Variants in GAN observed in about 807,000 individuals in gnomAD.
GAN encodes epididymis secretory sperm binding protein.
Under a neutral mutation model 71.3 loss-of-function variants are expected in GAN, and 48 were observed. The observed-to-expected ratio is 0.67, with a 90% CI of 0.53 to 0.86. The LOEUF (loss-of-function observed/expected upper bound fraction) is 0.86, where lower values mean the gene tolerates loss of function less well. Ranked by LOEUF, GAN falls within the 40% of genes least tolerant of loss-of-function variation. GAN has a pLI of 0.00. For missense variants in GAN, 928 were observed against 770.1 expected (o/e 1.21, Z -2.43); for synonymous variants, 386 against 276.8 (o/e 1.39, Z -3.92).
intron 2 of GAN, among the ~76,000 whole-genome samples, chr16:81,353,959 G>T (rs1471679056): frequency 6.6e-6 from 1 of 152,170 alleles, no homozygotes; most frequent in Non-Finnish European, 1.5e-5. Flanking sequence ...CATTCAGGTT[G>T]GCATGCCATT....
At position 81,314,967 on chromosome 16, in the gene GAN, G is replaced by A. The variant is rs893557155; in HGVS notation, c.-147G>A. 3.2e-6 allele frequency: 2 copies of A among 624,386 alleles called. No individual in the cohort carries two copies. Among genetic ancestry groups the A allele is most frequent in the Non-Finnish European group, 4.8e-6 (2 of 414,532 alleles). The allele number at this position is 624,386 out of a possible 1,614,324, so 38.7% of individuals were successfully genotyped here. A position where few individuals can be genotyped will look rare whatever the true frequency, so the allele number is the denominator to read the frequency against. On this transcript the variant is annotated 5_prime_UTR_variant, in exon 1 of 11. Coordinates refer to ENST00000648994, the MANE Select transcript of GAN (RefSeq NM_022041.4). ...GCGCCGGCCCAGCGCGCCGCGGATAGCACAGGCACGTCCCGGGGGCTCCAG... is the reference window on the plus strand; with the variant it reads ...GCGCCGGCCCAGCGCGCCGCGGATAACACAGGCACGTCCCGGGGGCTCCAG...
intron 1 of GAN, among the ~76,000 whole-genome samples, chr16:81,323,193 TAA>T (rs1427774613): frequency 2.0e-5 from 3 of 152,164 alleles, no homozygotes; most frequent in Admixed American, 2.0e-4. Flanking sequence ...GTATAACAGA[TAA>T]GAGACTTCTC....
intron 2 of GAN, among the ~76,000 whole-genome samples, chr16:81,353,533 A>G (rs1910376280): frequency 6.6e-6 from 1 of 152,186 alleles, no homozygotes; most frequent in Non-Finnish European, 1.5e-5. Flanking sequence ...ATGATTGGCA[A>G]TTATACTTTT....
At chr16:81,341,988 C>G (rs575802610) in intron 1 of GAN, among the ~76,000 whole-genome samples, 1 of 152,282 alleles carries the variant, frequency 6.6e-6, no homozygotes, top group South Asian at 2.1e-4. Flanking sequence ...CAATCCTTGT[C>G]TCTGATAAAA....
At chr16:81,375,799 C>G (rs957068185) in intron 9 of GAN, among the ~76,000 whole-genome samples, 5 of 151,216 alleles carry the variant, frequency 3.3e-5, no homozygotes, top group Admixed American at 1.3e-4. Flanking sequence ...GACCTCATCT[C>G]TATGGAAAAA....
At chr16:81,338,181 A>T (rs1248194364) in intron 1 of GAN, among the ~76,000 whole-genome samples, 2 of 152,276 alleles carry the variant, frequency 1.3e-5, no homozygotes, top group South Asian at 4.1e-4. Context: ...AATACTTTCT[A>T]TTGTTTCTAA....
rs1012105758 is a variant in GAN at position 81,388,306 on chromosome 16, G to A, written c.*10710G>A. On this transcript the variant is annotated 3_prime_UTR_variant, in exon 11 of 11. Coordinates refer to ENST00000648994, the MANE Select transcript of GAN (RefSeq NM_022041.4). ...CGGGTTGTTGGGGGCGAGGAGAATAGCCCTTCTGGTTCTTCAGACCACATA... is the reference window on the plus strand; with the variant it reads ...CGGGTTGTTGGGGGCGAGGAGAATAACCCTTCTGGTTCTTCAGACCACATA... 2.6e-5 allele frequency: 4 copies of A among 152,370 alleles called. No individual in the cohort carries two copies. Among genetic ancestry groups the A allele is most frequent in the African/African-American group, 7.2e-5 (3 of 41,440 alleles). 9.4% of individuals were successfully genotyped at this position (152,370 alleles called of 1,614,324 possible). A position where few individuals can be genotyped will look rare whatever the true frequency, so the allele number is the denominator to read the frequency against.
At chr16:81,370,273 A>C (rs1910997230) in intron 9 of GAN, among the ~76,000 whole-genome samples, 1 of 152,246 alleles carries the variant, frequency 6.6e-6, no homozygotes. Context: ...AGGAAGAAAC[A>C]GGTACTTTCA....
Position 81,382,474 on chromosome 16 carries a change from A to G in GAN, c.*4878A>G, listed in dbSNP as rs542152625. ...GAACAGAAGAAAGTTTCTTTGAAAG[A>G]GAAACTGTTTTTTTATTTCAAAGAG... On this transcript the variant is annotated 3_prime_UTR_variant, in exon 11 of 11. Transcript: ENST00000648994. 6.6e-6 allele frequency: 1 copy of G among 152,352 alleles called. No individual in the cohort carries two copies. Among genetic ancestry groups the G allele is most frequent in the South Asian group, 2.1e-4 (1 of 4,828 alleles). 9.4% of individuals were successfully genotyped at this position (152,352 alleles called of 1,614,324 possible).
At chr16:81,374,473 T>C (rs553123066) in intron 9 of GAN, among the ~76,000 whole-genome samples, 13 of 152,376 alleles carry the variant, frequency 8.5e-5, no homozygotes, top group African/African-American at 3.1e-4. Flanking sequence ...GATGATTTTG[T>C]TCCCGTCATT....
chr16:81,322,346 T>C (rs1039994659), intron 1 of GAN, among the ~76,000 whole-genome samples: 1 of 152,228 alleles, frequency 6.6e-6, no homozygotes, highest in African/African-American at 2.4e-5. Flanking sequence ...ATAAGACATC[T>C]CAGCAGCGGC....
chr16:81,363,960 G>C lies in GAN; in HGVS notation c.1236+17G>C, dbSNP rs770288813. The C allele has an allele frequency of 6.3e-7, 1 of 1,595,652 alleles. No homozygotes were observed. The highest frequency in any genetic ancestry group is 2.2e-5 in the East Asian group (1 of 44,810). On this transcript the variant is annotated intron_variant, in intron 7 of 10. Coordinates refer to ENST00000648994, the MANE Select transcript of GAN (RefSeq NM_022041.4). ...GTCAGAAAGGTGAGGACTGCATTTT[G>C]TGATAACTAGTCTGTGTACACATTG...
intron 5 of GAN, among the ~76,000 whole-genome samples, 189 bp downstream of exon 5, chr16:81,358,120 G>A (rs1910552937): frequency 6.6e-6 from 1 of 152,120 alleles, no homozygotes; most frequent in Admixed American, 6.5e-5. Context: ...TATTATCTCT[G>A]TATCTTCAGC....
At chr16:81,356,113 C>T (rs1031975466) in intron 3 of GAN, among the ~76,000 whole-genome samples, 1 of 152,182 alleles carries the variant, frequency 6.6e-6, no homozygotes, top group African/African-American at 2.4e-5. Flanking sequence ...GAAAACGAGG[C>T]AGTTCTTTGT....
intron 1 of GAN, among the ~76,000 whole-genome samples, chr16:81,339,137 C>T (rs192666300): frequency 1.3e-3 from 194 of 152,278 alleles, no homozygotes; most frequent in African/African-American, 4.4e-3. Flanking sequence ...CCTATTAACC[C>T]CTTGTTACTC....
chr16:81,348,360 G>T (rs80307065), intron 1 of GAN, among the ~76,000 whole-genome samples: 1 of 151,466 alleles, frequency 6.6e-6, no homozygotes, highest in African/African-American at 2.4e-5. Context: ...TTTTTTCCTT[G>T]AACTTTTCAT....
chr16:81,337,737 A>G (rs1234844998), intron 1 of GAN, among the ~76,000 whole-genome samples: 2 of 152,114 alleles, frequency 1.3e-5, no homozygotes, highest in Non-Finnish European at 1.5e-5. Flanking sequence ...TTTTTTCCAT[A>G]TTGTCAAGAA....
chr16:81,368,608 T>G (rs1910937368), intron 9 of GAN, among the ~76,000 whole-genome samples: 1 of 152,180 alleles, frequency 6.6e-6, no homozygotes, highest in Admixed American at 6.5e-5. Flanking sequence ...AGACCCTGTC[T>G]CAGAAAAGGG....
At chr16:81,376,058 G>T (rs774235827) in intron 9 of GAN, among the ~76,000 whole-genome samples, 1 of 151,542 alleles carries the variant, frequency 6.6e-6, no homozygotes, top group Non-Finnish European at 1.5e-5. Flanking sequence ...GGAAGTATAC[G>T]CCATTAAAGT....
Sources: gnomAD v4.1 joint callset for allele counts (sites outside exome capture counted in the v4.1 genomes callset) on GRCh38, gnomAD v4.1.1 for gene constraint, MANE v1.5 for transcripts, NCBI Gene and HGNC (gene_info 2026-07-23, HGNC 2026-07-21) for gene names.